The following ERC2 variants were observed in gnomAD, a reference collection of about 807,000 sequenced individuals.
ERC2 encodes ERC protein 2.
Under a neutral mutation model 114.8 loss-of-function variants are expected in ERC2, and 42 were observed. That is an observed-to-expected ratio of 0.37 (90% CI 0.29 to 0.47). The LOEUF (loss-of-function observed/expected upper bound fraction) is 0.47, where lower values mean the gene tolerates loss of function less well. Among genes scored for constraint, ERC2 ranks in the 20% least tolerant of loss-of-function variants. The pLI is 0.99. For synonymous variants in ERC2, 454 were observed against 425.5 expected (o/e 1.07, Z -0.82); for missense variants, 939 against 1,150.7 (o/e 0.82, Z 2.66).
At chr3:55,899,868 G>T (rs1559839068) in intron 13 of ERC2, among the ~76,000 whole-genome samples, 1 of 152,152 alleles carries the variant, frequency 6.6e-6, no homozygotes, top group East Asian at 1.9e-4. Context: ...TTTACAAAAA[G>T]AGTAATTAAA....
At chr3:56,305,686 A>G (rs1366521855) in intron 2 of ERC2, among the ~76,000 whole-genome samples, 1 of 152,242 alleles carries the variant, frequency 6.6e-6, no homozygotes, top group Non-Finnish European at 1.5e-5. Context: ...CTCACCATGC[A>G]TATCCTCACC....
At chr3:56,213,901 A>C (rs938340319) in intron 3 of ERC2, among the ~76,000 whole-genome samples, 3 of 152,170 alleles carry the variant, frequency 2.0e-5, no homozygotes, top group African/African-American at 7.2e-5. Flanking sequence ...CGGGGTCTAG[A>C]GTGGACCTCC....
At chr3:56,140,038 A>T (rs1476979009) in intron 5 of ERC2, among the ~76,000 whole-genome samples, 1 of 152,192 alleles carries the variant, frequency 6.6e-6, no homozygotes, top group Non-Finnish European at 1.5e-5. Context: ...GGGATCTAAC[A>T]TGGGTAATTA....
chr3:56,465,153 C>G (rs1372271162), intron 1 of ERC2, among the ~76,000 whole-genome samples: 4 of 152,198 alleles, frequency 2.6e-5, no homozygotes, highest in Admixed American at 2.0e-4. Flanking sequence ...AATGCCAGCA[C>G]TTTGGGAGGC....
At chr3:55,900,616 G>A (rs1457164973) in intron 13 of ERC2, among the ~76,000 whole-genome samples, 1 of 152,158 alleles carries the variant, frequency 6.6e-6, no homozygotes, top group Non-Finnish European at 1.5e-5. Flanking sequence ...CTGACTCCAA[G>A]CCTGATACCT....
At chr3:55,790,041 G>C (rs1368282310) in intron 14 of ERC2, among the ~76,000 whole-genome samples, 2 of 152,130 alleles carry the variant, frequency 1.3e-5, no homozygotes. Flanking sequence ...TCTTTGAACT[G>C]AAGTCTAAAG....
chr3:55,922,459 C>T (rs1252882676), intron 13 of ERC2, among the ~76,000 whole-genome samples: 2 of 151,970 alleles, frequency 1.3e-5, no homozygotes, highest in African/African-American at 2.4e-5. Flanking sequence ...CTGTGTCTCC[C>T]CTCCCCTTTC....
chr3:56,188,983 A>G (rs550964965), intron 3 of ERC2, among the ~76,000 whole-genome samples: 1 of 152,330 alleles, frequency 6.6e-6, no homozygotes, highest in East Asian at 1.9e-4. Context: ...TGCGCTAACA[A>G]CTTGCCATGA....
chr3:56,350,020 C>T lies in ERC2; in HGVS notation c.658-53585G>A, dbSNP rs114966347. Among the ~76,000 whole-genome samples the T allele has an allele frequency of 6.4e-3, 975 of 151,616 alleles. 14 individuals are homozygous for T. The highest frequency in any genetic ancestry group is 0.022 in the African/African-American group (893 of 41,410). The stretch of plus-strand genomic sequence containing the variant: ...TGTGACATGCAATATGCCTATAGAA[C>T]AAACAGGCACATATACCCCTGAAAC... On this transcript the variant is annotated intron_variant, in intron 2 of 17. Transcript: ENST00000288221.
rs543067040 is a variant in ERC2, at chr3:56,163,511, C to T, written c.1149+9935G>A. Among the ~76,000 whole-genome samples, 8 of 152,088 alleles carry T rather than the reference C, an allele frequency of 5.3e-5. No individual in the cohort carries two copies. The South Asian group carries it at 8.3e-4, about 16-fold the overall frequency. On this transcript the variant is annotated intron_variant, in intron 4 of 17. Transcript: ENST00000288221. ...TTGTGTGTTGCTGTCGAAGTCTTTT[C>T]GTAAGTCTTACAAATTCATATTTTT...
intron 10 of ERC2, among the ~76,000 whole-genome samples, chr3:55,997,279 T>C: frequency 1.2e-5 from 1 of 85,438 alleles, no homozygotes; most frequent in East Asian, 5.0e-4. Flanking sequence ...ATTTAGGCAG[T>C]GTAGAAATAT....
intron 12 of ERC2, among the ~76,000 whole-genome samples, chr3:55,981,060 G>A (rs113833181): frequency 1.1e-4 from 16 of 152,324 alleles, no homozygotes; most frequent in African/African-American, 3.8e-4. Flanking sequence ...CATTAGTCAT[G>A]GCAAGTCCCA....
chr3:56,374,497 G>A (rs147678943), intron 2 of ERC2, among the ~76,000 whole-genome samples: 2 of 152,300 alleles, frequency 1.3e-5, no homozygotes, highest in Non-Finnish European at 2.9e-5. Flanking sequence ...GCCAGGCTAT[G>A]TGTGAAATGC....
At chr3:56,440,547 C>CAA (rs397877367) in intron 1 of ERC2, among the ~76,000 whole-genome samples, 6 of 107,658 alleles carry the variant, frequency 5.6e-5, no homozygotes, top group East Asian at 2.7e-4. Context: ...GACTCTGTCT[C>CAA]AAAAAAAAAA....
At chr3:56,279,302 T>C (rs1238464343) in intron 3 of ERC2, among the ~76,000 whole-genome samples, 1 of 152,194 alleles carries the variant, frequency 6.6e-6, no homozygotes, top group Non-Finnish European at 1.5e-5. Context: ...CACAGTCTAG[T>C]GGGAAAGGCA....
intron 17 of ERC2, chr3:55,657,206 T>G (rs1200084760): frequency 7.4e-6 from 1 of 135,818 alleles, no homozygotes; most frequent in South Asian, 2.2e-4. Context: ...TTTCATTTTG[T>G]TTTTTTTTTT....
chr3:56,086,556 C>G (rs943114065), intron 6 of ERC2, among the ~76,000 whole-genome samples: 2 of 151,410 alleles, frequency 1.3e-5, no homozygotes, highest in Non-Finnish European at 2.9e-5. Flanking sequence ...GCAACATTAG[C>G]CCAGTGTGCA....
intron 14 of ERC2, among the ~76,000 whole-genome samples, chr3:55,789,098 A>G (rs1280459031): frequency 6.6e-6 from 1 of 152,174 alleles, no homozygotes; most frequent in Non-Finnish European, 1.5e-5. Flanking sequence ...GTCGTGTTAC[A>G]ATAGTTCATG....
intron 14 of ERC2, among the ~76,000 whole-genome samples, chr3:55,775,581 T>TA (rs1279947639): frequency 1.4e-5 from 2 of 142,044 alleles, no homozygotes; most frequent in Admixed American, 6.9e-5. Flanking sequence ...AATAAATAAA[T>TA]AAAAAAGGAA....
Sources: gnomAD v4.1 joint callset for allele counts (sites outside exome capture counted in the v4.1 genomes callset) on GRCh38, gnomAD v4.1.1 for gene constraint, MANE v1.5 for transcripts, NCBI Gene and HGNC (gene_info 2026-07-23, HGNC 2026-07-21) for gene names.